CLDN16: variants seen among roughly 807,000 people sequenced by gnomAD.
CLDN16 encodes the protein claudin 16.
In CLDN16, 13 loss-of-function variants were observed where a neutral mutation model predicts 24.6. The observed-to-expected ratio is 0.53, with a 90% confidence interval of 0.34 to 0.84. The LOEUF (loss-of-function observed/expected upper bound fraction) is 0.84, where lower values mean the gene tolerates loss of function less well. Ranked by LOEUF, CLDN16 falls within the 40% of genes least tolerant of loss-of-function variation. The pLI is 0.01. For missense variants in CLDN16, 298 were observed against 292.7 expected (o/e 1.02, Z -0.13); for synonymous variants, 116 against 106.7 (o/e 1.09, Z -0.54).
rs879304279 is a variant in CLDN16 at position 190,338,464 on chromosome 3, TC to T, written n.121+15804del. Among the ~76,000 whole-genome samples, 202 of 152,298 alleles carry T rather than the reference TC, an allele frequency of 1.3e-3. 1 individual carries two copies. Among genetic ancestry groups the T allele is most frequent in the Non-Finnish European group, 1.9e-3 (130 of 68,024 alleles). On this transcript the variant is annotated intron_variant and non_coding_transcript_variant, in intron 1 of 4. Transcript: ENST00000468220. Reference sequence around the variant, plus strand: ...TCATACCTACGTGAACTGCAGGTTATCTCTTGGTACCCTCATGCCCAAGTTT... The same window carrying T: ...TCATACCTACGTGAACTGCAGGTTATTCTTGGTACCCTCATGCCCAAGTTT...
chr3:190,392,919 T>C (rs1480458973), intron 1 of CLDN16, among the ~76,000 whole-genome samples: 1 of 152,160 alleles, frequency 6.6e-6, no homozygotes, highest in Non-Finnish European at 1.5e-5. Flanking sequence ...TTTAGAAAGA[T>C]TAATCATTCT....
At position 190,402,338 on chromosome 3, in the gene CLDN16, T is replaced by G; in HGVS notation, c.116T>G (p.Val39Gly). The G allele has an allele frequency of 6.2e-7, 1 of 1,612,962 alleles. No individual in the cohort carries two copies. The highest frequency in any genetic ancestry group is 1.1e-5 in the South Asian group (1 of 91,054). Residue 39 changes from valine (V) to glycine (G), a missense_variant and splice_region_variant, in exon 2 of 5, where the codon GTG becomes GGG. By Grantham distance (109) the Val-to-Gly change is moderately radical. Transcript: ENST00000264734. ...CACGGTGTCTTCTCTAACATCTAGGTGAGCACAAAATGCCGAGGCCTCTGG... is the reference window on the plus strand; with the variant it reads ...CACGGTGTCTTCTCTAACATCTAGGGGAGCACAAAATGCCGAGGCCTCTGG... ...WMVNADDSLE[V>G]STKCRGLWWE...
At chr3:190,336,861 C>A (rs1295543522) in intron 1 of CLDN16, among the ~76,000 whole-genome samples, 1 of 152,218 alleles carries the variant, frequency 6.6e-6, no homozygotes, top group Non-Finnish European at 1.5e-5. Flanking sequence ...GCAGCCCCAA[C>A]AGCAATTATT....
At chr3:190,331,046 A>T (rs945636769) in intron 1 of CLDN16, among the ~76,000 whole-genome samples, 2 of 152,192 alleles carry the variant, frequency 1.3e-5, no homozygotes, top group African/African-American at 2.4e-5. Context: ...ACAGAGTGCA[A>T]CATTGCAAAA....
At chr3:190,385,085 G>A (rs1421595840), upstream of CLDN16, among the ~76,000 whole-genome samples, 1 of 152,102 alleles carries the variant, frequency 6.6e-6, no homozygotes, top group Admixed American at 6.6e-5. Flanking sequence ...ACTAGGATGA[G>A]TTCTTCCAAC....
At chr3:190,306,500 G>A in the CLDN16 span, 1 of 152,250 alleles carries the variant, frequency 6.6e-6, no homozygotes, top group Non-Finnish European at 1.5e-5. Context: ...ACACTTACAT[G>A]TATTCTATCT....
intron 1 of CLDN16, among the ~76,000 whole-genome samples, chr3:190,346,383 A>C (rs1252697715): frequency 6.6e-6 from 1 of 152,234 alleles, no homozygotes; most frequent in East Asian, 1.9e-4. Flanking sequence ...ATGAACAATA[A>C]AAATCCTCCG....
chr3:190,406,139 A>G (rs1185250143), intron 3 of CLDN16, among the ~76,000 whole-genome samples: 1 of 152,188 alleles, frequency 6.6e-6, no homozygotes, highest in Non-Finnish European at 1.5e-5. Context: ...GCTATGGTGA[A>G]GATGCAATGT....
At chr3:190,390,166 A>C (rs1718613123) in intron 1 of CLDN16, among the ~76,000 whole-genome samples, 1 of 152,250 alleles carries the variant, frequency 6.6e-6, no homozygotes, top group African/African-American at 2.4e-5. Flanking sequence ...CTTGAAAAAT[A>C]GTTAATATTT....
At chr3:190,383,534 T>G (rs964461838), upstream of CLDN16, among the ~76,000 whole-genome samples, 5 of 152,174 alleles carry the variant, frequency 3.3e-5, no homozygotes, top group African/African-American at 1.2e-4. Flanking sequence ...GATACTCATA[T>G]CACTGGAAGG....
chr3:190,368,498 G>A (rs547872593), intron 1 of CLDN16, among the ~76,000 whole-genome samples: 2 of 152,038 alleles, frequency 1.3e-5, no homozygotes, highest in African/African-American at 4.8e-5. Context: ...TAAGTTTTGG[G>A]GGTAATTTGT....
At chr3:190,401,087 T>A (rs984124713) in intron 1 of CLDN16, among the ~76,000 whole-genome samples, 8 of 152,208 alleles carry the variant, frequency 5.3e-5, no homozygotes, top group African/African-American at 1.7e-4. Context: ...TATTGAATAA[T>A]TATTACCAAC....
intron 1 of CLDN16, among the ~76,000 whole-genome samples, chr3:190,334,192 A>T (rs1044038354): frequency 6.6e-6 from 1 of 152,208 alleles, no homozygotes; most frequent in African/African-American, 2.4e-5. Context: ...GTACAGAGTG[A>T]TTGTTGTTAG....
At chr3:190,312,740 A>G in the CLDN16 span, 1 of 959,906 alleles carries the variant, frequency 1.0e-6, no homozygotes, top group South Asian at 1.4e-5. Context: ...CATGAAAGTC[A>G]ACTGGACTTC....
chr3:190,294,228 ATCTAAGTTCTGACC>A, the CLDN16 span, among the ~76,000 whole-genome samples: 2 of 152,204 alleles, frequency 1.3e-5, no homozygotes, highest in Admixed American at 6.5e-5. Context: ...ATGTTTACAC[ATCTAAGTTCTGACC>A]TCATGACTTT....
At chr3:190,324,807 G>A (rs1412357242) in intron 1 of CLDN16, among the ~76,000 whole-genome samples, 1 of 152,160 alleles carries the variant, frequency 6.6e-6, no homozygotes, top group Admixed American at 6.5e-5. Context: ...AAGTGCAGAG[G>A]ACAGGTGAGA....
chr3:190,323,939 C>T (rs1002066181), intron 1 of CLDN16, among the ~76,000 whole-genome samples: 1 of 152,034 alleles, frequency 6.6e-6, no homozygotes, highest in African/African-American at 2.4e-5. Flanking sequence ...AGACCATGTT[C>T]GTGTTGTATC....
At chr3:190,300,397 T>C in the CLDN16 span, among the ~76,000 whole-genome samples, 1 of 150,900 alleles carries the variant, frequency 6.6e-6, no homozygotes, top group African/African-American at 2.5e-5. Flanking sequence ...GCCTGAAGTT[T>C]TTCTGACACA....
intron 1 of CLDN16, among the ~76,000 whole-genome samples, chr3:190,341,593 CA>C (rs1717436722): frequency 6.6e-6 from 1 of 152,180 alleles, no homozygotes; most frequent in Non-Finnish European, 1.5e-5. Flanking sequence ...GGGGCTGCCA[CA>C]AAGGTCTCTC....
Sources: allele counts gnomAD v4.1 joint callset (sites outside exome capture counted in the v4.1 genomes callset), GRCh38; gene constraint gnomAD v4.1.1; transcripts MANE v1.5; gene names NCBI Gene and HGNC (gene_info 2026-07-23, HGNC 2026-07-21).